CCDC91: variants seen among roughly 807,000 people sequenced by gnomAD.
The protein encoded by CCDC91 is coiled-coil domain-containing protein 91.
CCDC91 carries 48 observed loss-of-function variants against 63.2 expected under a neutral mutation model. That is an observed-to-expected ratio of 0.76 (90% CI 0.60 to 0.97). The LOEUF is 0.97. Among genes scored for constraint, CCDC91 ranks in the 50% least tolerant of loss-of-function variants. The pLI is 0.00. For synonymous variants in CCDC91, 167 were observed against 165.8 expected, an observed-to-expected ratio of 1.01 and a Z score of -0.06; for missense variants, 500 against 494.6, an observed-to-expected ratio of 1.01 and a Z score of -0.10.
chr12:28,298,122 CATTT>C (rs1949666162), intron 3 of CCDC91, among the ~76,000 whole-genome samples: 1 of 51,914 alleles, frequency 1.9e-5, no homozygotes, highest in African/African-American at 5.8e-5. Flanking sequence ...AGATGCTATT[CATTT>C]GTTTTCTCAT....
intron 6 of CCDC91, among the ~76,000 whole-genome samples, chr12:28,322,014 T>C (rs1432562122): frequency 6.6e-6 from 1 of 151,730 alleles, no homozygotes; most frequent in African/African-American, 2.4e-5. Context: ...TATAAATATA[T>C]GGAGGAAGTT....
intron 12 of CCDC91, among the ~76,000 whole-genome samples, chr12:28,546,692 A>G (rs1353160841): frequency 6.6e-6 from 1 of 152,092 alleles, no homozygotes; most frequent in Non-Finnish European, 1.5e-5. Context: ...ATATTAAAAT[A>G]TCTGTTACAT....
chr12:28,473,954 G>A (rs1383456982), intron 11 of CCDC91, among the ~76,000 whole-genome samples: 1 of 147,486 alleles, frequency 6.8e-6, no homozygotes, highest in Non-Finnish European at 1.5e-5. Flanking sequence ...TTTAATTTTA[G>A]TTGTAGTGTG....
intron 3 of CCDC91, among the ~76,000 whole-genome samples, chr12:28,287,050 A>G (rs989179784): frequency 6.6e-6 from 1 of 151,780 alleles, no homozygotes; most frequent in Non-Finnish European, 1.5e-5. Context: ...TCAGTTTTTA[A>G]TGGGGCTGTT....
At chr12:28,522,034 G>C (rs533390509) in intron 12 of CCDC91, among the ~76,000 whole-genome samples, 4 of 151,708 alleles carry the variant, frequency 2.6e-5, no homozygotes, top group African/African-American at 9.6e-5. Context: ...CTAAAATTCT[G>C]TTTTTTATTG....
At chr12:28,335,717 A>C (rs1168898835) in intron 6 of CCDC91, among the ~76,000 whole-genome samples, 1 of 152,040 alleles carries the variant, frequency 6.6e-6, no homozygotes, top group Admixed American at 6.6e-5. Context: ...CAGGATTTTA[A>C]TTTTAAAAGT....
intron 10 of CCDC91, among the ~76,000 whole-genome samples, chr12:28,451,046 C>G (rs769583177): frequency 1.1e-4 from 17 of 151,626 alleles, no homozygotes; most frequent in Non-Finnish European, 1.9e-4. Flanking sequence ...CATCATATAT[C>G]TATGTCATAG....
intron 11 of CCDC91, among the ~76,000 whole-genome samples, chr12:28,456,243 T>C (rs1325953945): frequency 6.6e-6 from 1 of 152,156 alleles, no homozygotes; most frequent in African/African-American, 2.4e-5. Context: ...TCAAGGCCCC[T>C]GTGCTTTCAC....
intron 1 of CCDC91, among the ~76,000 whole-genome samples, chr12:28,244,943 T>C (rs1160434447): frequency 2.0e-5 from 3 of 151,908 alleles, no homozygotes; most frequent in Non-Finnish European, 2.9e-5. Flanking sequence ...TGGATTGTTA[T>C]TATAGTAACA....
chr12:28,292,589 T>C (rs1211887314), intron 3 of CCDC91, among the ~76,000 whole-genome samples: 1 of 152,118 alleles, frequency 6.6e-6, no homozygotes, highest in Admixed American at 6.5e-5. Context: ...TGTTTAGGTA[T>C]CTAGCTCTAA....
At chr12:28,542,577 G>T (rs11049707) in intron 12 of CCDC91, among the ~76,000 whole-genome samples, 3 of 152,146 alleles carry the variant, frequency 2.0e-5, no homozygotes, top group Middle Eastern at 6.8e-3. Context: ...ATTTTCTGAC[G>T]TTCAAAGTTA....
At chr12:28,362,645 T>C (rs1199902199) in intron 7 of CCDC91, 130 bp downstream of exon 7, 2 of 517,442 alleles carry the variant, frequency 3.9e-6, no homozygotes, top group Non-Finnish European at 6.7e-6. Context: ...TTCTTTCCAT[T>C]CAGCAACAAA....
intron 8 of CCDC91, among the ~76,000 whole-genome samples, chr12:28,404,558 C>T (rs1167457480): frequency 6.6e-6 from 1 of 151,914 alleles, no homozygotes; most frequent in Non-Finnish European, 1.5e-5. Flanking sequence ...TGATTTTTTG[C>T]CTGCTAGATC....
rs544933116 is a variant in CCDC91, at chr12:28,378,250, G to A, written c.655-13054G>A. On this transcript the variant is annotated intron_variant, in intron 7 of 12. Transcript: ENST00000536442. ...CATTTTCTGAAAAGGTCAGATATAT[G>A]CTAAATACTTTTTGTTAAGGATTGC... Among the ~76,000 whole-genome samples, 188 of 152,138 alleles carry A rather than the reference G, an allele frequency of 1.2e-3. No homozygotes were observed. In the South Asian group the frequency reaches 0.036, roughly 29 times the overall value.
chr12:28,499,723 T>C (rs1952521952), intron 12 of CCDC91, among the ~76,000 whole-genome samples: 1 of 152,196 alleles, frequency 6.6e-6, no homozygotes. Flanking sequence ...ATGTGCCACA[T>C]TTTCTTTATC....
At chr12:28,426,894 G>A (rs1438902249) in intron 8 of CCDC91, among the ~76,000 whole-genome samples, 1 of 152,182 alleles carries the variant, frequency 6.6e-6, no homozygotes, top group Non-Finnish European at 1.5e-5. Flanking sequence ...TAGCAACTGA[G>A]TTTAACAGAA....
At chr12:28,216,931 T>TA (rs1427761753) in intron 1 of CCDC91, among the ~76,000 whole-genome samples, 5 of 152,126 alleles carry the variant, frequency 3.3e-5, no homozygotes, top group Non-Finnish European at 1.5e-5. Context: ...CACTTACACT[T>TA]AAAGACCTGT....
At chr12:28,446,377 A>G (rs2140283532) in intron 8 of CCDC91, among the ~76,000 whole-genome samples, 1 of 152,348 alleles carries the variant, frequency 6.6e-6, no homozygotes, top group East Asian at 1.9e-4. Flanking sequence ...TAAAATTGTT[A>G]CCAAACAAAA....
intron 3 of CCDC91, among the ~76,000 whole-genome samples, chr12:28,264,779 A>C (rs1947078729): frequency 6.6e-6 from 1 of 151,766 alleles, no homozygotes; most frequent in African/African-American, 2.4e-5. Context: ...AGCGGACTCA[A>C]AGTTTCAGAA....
Sources: gnomAD v4.1 joint callset for allele counts (sites outside exome capture counted in the v4.1 genomes callset) on GRCh38, gnomAD v4.1.1 for gene constraint, MANE v1.5 for transcripts, NCBI Gene and HGNC (gene_info 2026-07-23, HGNC 2026-07-21) for gene names.